SLC29A4: variants seen among roughly 807,000 people sequenced by gnomAD.
The protein encoded by SLC29A4 is equilibrative nucleoside transporter 4.
Under a neutral mutation model 43.9 loss-of-function variants are expected in SLC29A4, and 36 were observed. The observed-to-expected ratio is 0.82, with a 90% CI of 0.63 to 1.08. SLC29A4 has a LOEUF of 1.08. SLC29A4 is among the 50% of genes least tolerant of loss of function. The probability of loss-of-function intolerance (pLI) is 0.00; values close to 1 mark genes in which losing one functional copy is unlikely to be tolerated. For synonymous variants in SLC29A4, 491 were observed against 338.0 expected (o/e 1.45, Z -4.97); for missense variants, 869 against 755.3 (o/e 1.15, Z -1.77).
At chr7:5,284,669 A>G (rs1784850134) in intron 1 of SLC29A4, among the ~76,000 whole-genome samples, 1 of 152,044 alleles carries the variant, frequency 6.6e-6, no homozygotes, top group African/African-American at 2.4e-5. Flanking sequence ...CGGGAAGGAC[A>G]GAGTTGGAGG....
chr7:5,296,812 C>T lies in SLC29A4; in HGVS notation c.620-124C>T, dbSNP rs1785706855. 8 of 1,029,168 alleles carry T rather than the reference C, an allele frequency of 7.8e-6. No individual in the cohort carries two copies. The East Asian group carries it at 1.6e-4, about 21-fold the overall frequency. The allele number at this position is 1,029,168 out of a possible 1,614,324, so 63.8% of individuals were successfully genotyped here. ...GGAGGGCGGGGCCTGTGGGTGGGGGCAGGGCCTGTGGTGGAGGGCGGGGCC... is the reference window on the plus strand; with the variant it reads ...GGAGGGCGGGGCCTGTGGGTGGGGGTAGGGCCTGTGGTGGAGGGCGGGGCC... On this transcript the variant is annotated intron_variant, in intron 6 of 10. Transcript: ENST00000396872.
intron 2 of SLC29A4, among the ~76,000 whole-genome samples, chr7:5,289,558 C>T (rs1203414353): frequency 2.0e-5 from 3 of 152,094 alleles, no homozygotes; most frequent in Non-Finnish European, 4.4e-5. Flanking sequence ...CAGACCCACC[C>T]AGGGTAATTT....
intron 9 of SLC29A4, 125 bp from the exon 10 acceptor site, chr7:5,300,297 G>T (rs1296681152): frequency 5.6e-6 from 8 of 1,421,388 alleles, no homozygotes; most frequent in Non-Finnish European, 7.7e-6. Flanking sequence ...AAGGGCAGGG[G>T]TGCAGGCTGA....
In SLC29A4 at chr7:5,291,227, G is replaced by C; in HGVS notation, c.405G>C (p.Arg135Ser). 1 of 1,612,478 alleles carries C rather than the reference G, an allele frequency of 6.2e-7. No individual in the cohort carries two copies. The highest frequency in any genetic ancestry group is 8.5e-7 in the Non-Finnish European group (1 of 1,179,958). Residue 135 changes from arginine (R) to serine (S), a missense_variant, in exon 4 of 11, where the codon AGG becomes AGC. Coordinates refer to ENST00000396872, the MANE Select transcript of SLC29A4 (RefSeq NM_153247.4). Reference protein sequence around the residue: ...VLVERLTLHTRITAGYLLALG... With the variant: ...VLVERLTLHTSITAGYLLALG... Reference sequence around the variant, plus strand: ...TGGAGAGACTGACCCTGCACACCAGGATCACCGCAGGTGCGCTGGGCCCCG... The same window carrying C: ...TGGAGAGACTGACCCTGCACACCAGCATCACCGCAGGTGCGCTGGGCCCCG...
In SLC29A4 at chr7:5,306,202, T is replaced by G. The variant is rs1786483226; in HGVS notation, c.*3263T>G. 1.4e-5 allele frequency: 2 copies of G among 141,626 alleles called. No individual in the cohort carries two copies. The highest frequency in any genetic ancestry group is 2.3e-4 in the South Asian group (1 of 4,298). The allele number at this position is 141,626 out of a possible 1,614,324, so 8.8% of individuals were successfully genotyped here. On this transcript the variant is annotated 3_prime_UTR_variant, in exon 11 of 11. Transcript: ENST00000396872. ...AATTTGTTCAATTTCTTTTTTTTTT[T>G]TTTTTTTTTTTTTTGAGACAATCTC... is the stretch of plus-strand genomic sequence containing the variant.
chr7:5,297,585 C>G (rs372334342), intron 7 of SLC29A4, among the ~76,000 whole-genome samples: 1 of 152,224 alleles, frequency 6.6e-6, no homozygotes, highest in Non-Finnish European at 1.5e-5. Flanking sequence ...TGCGCCAACC[C>G]ACGTTGGAGA....
chr7:5,300,312 G>C (rs540970392), intron 9 of SLC29A4, 110 bp from the exon 10 acceptor site: 8 of 1,524,374 alleles, frequency 5.2e-6, no homozygotes, highest in Non-Finnish European at 7.1e-6. Flanking sequence ...GGCTGAGCTG[G>C]ACAGGCCCAG....
At chr7:5,292,052 C>A (rs573096283) in intron 5 of SLC29A4, among the ~76,000 whole-genome samples, 12 of 152,320 alleles carry the variant, frequency 7.9e-5, no homozygotes, top group African/African-American at 2.9e-4. Flanking sequence ...CTGAGGCAGC[C>A]CCTGGTTTCC....
chr7:5,288,338 C>T (rs1011062760), intron 2 of SLC29A4, among the ~76,000 whole-genome samples: 4 of 127,938 alleles, frequency 3.1e-5, no homozygotes, highest in Non-Finnish European at 6.3e-5. Context: ...CGGAGTCTCA[C>T]TCTGTCACCC....
chr7:5,301,120 TG>T (rs1786130513), intron 10 of SLC29A4, among the ~76,000 whole-genome samples: 1 of 151,892 alleles, frequency 6.6e-6, no homozygotes, highest in East Asian at 1.9e-4. Flanking sequence ...AAAAATTAGC[TG>T]GGTATGGTAG....
In SLC29A4 at chr7:5,291,611, C is replaced by T. The variant is rs538626675; in HGVS notation, c.416-82C>T. On this transcript the variant is annotated intron_variant, in intron 4 of 10. Coordinates refer to ENST00000396872, the MANE Select transcript of SLC29A4 (RefSeq NM_153247.4). ...GGGAAGGGCAGAGAAAGCCTCAGAG[C>T]GACTCTGCAGGAGGGGCGAGGAGGA... is the stretch of plus-strand genomic sequence containing the variant. 588 of 1,494,228 alleles carry T rather than the reference C, an allele frequency of 3.9e-4. No individual in the cohort carries two copies. The African/African-American group carries it at 6.9e-3, about 18-fold the overall frequency. 92.6% of individuals were successfully genotyped at this position (1,494,228 alleles called of 1,614,324 possible).
chr7:5,300,684 G>T lies in SLC29A4; in HGVS notation c.1450+22G>T, dbSNP rs1324677044. 2.6e-5 allele frequency: 42 copies of T among 1,600,458 alleles called. No individual in the cohort carries two copies. The Admixed American group carries it at 6.5e-4, about 25-fold the overall frequency. The stretch of plus-strand genomic sequence containing the variant: ...GCAGGTGAGGCCCGCGGGACGTGGG[G>T]GTGGGGGCGTCCTCCCAGCAGCGCA... On this transcript the variant is annotated intron_variant, in intron 10 of 10. Coordinates refer to ENST00000396872, the MANE Select transcript of SLC29A4 (RefSeq NM_153247.4).
At chr7:5,292,149 C>T (rs562701072) in intron 5 of SLC29A4, among the ~76,000 whole-genome samples, 2 of 152,202 alleles carry the variant, frequency 1.3e-5, no homozygotes, top group African/African-American at 4.8e-5. Context: ...CTGACTTTGT[C>T]ACCCAGGCTA....
At position 5,289,145 on chromosome 7, in the gene SLC29A4, C is replaced by A. The variant is rs558979783; in HGVS notation, c.169+1160C>A. On this transcript the variant is annotated intron_variant, in intron 2 of 10. Coordinates refer to ENST00000396872, the MANE Select transcript of SLC29A4 (RefSeq NM_153247.4). ...GGCACGGTGGCTCATGCCTATAATC[C>A]CAGCACTTTGGGAGGCTGAGGCCGG... Among the ~76,000 whole-genome samples, 34 of 152,224 alleles carry A rather than the reference C, an allele frequency of 2.2e-4. No homozygotes were observed. The South Asian group carries it at 6.8e-3, about 31-fold the overall frequency.
chr7:5,298,730 G>A (rs571494463), intron 7 of SLC29A4, among the ~76,000 whole-genome samples: 51 of 152,288 alleles, frequency 3.3e-4, no homozygotes, highest in African/African-American at 1.2e-3. Flanking sequence ...AGCCCAGGAA[G>A]TTGAGGCTGC....
Position 5,297,066 on chromosome 7 carries a change from G to A in SLC29A4, c.750G>A (p.Leu250=), listed in dbSNP as rs771451814. 16 of 1,608,142 alleles carry A rather than the reference G, an allele frequency of 9.9e-6. No individual in the cohort carries two copies. Among genetic ancestry groups the A allele is most frequent in the Admixed American group, 1.7e-5 (1 of 60,002 alleles). ...ALELLCFLLH[L]LVRRSRFVLF... ...AGCTGCTGTGTTTCCTGCTGCACCT[G>A]TTAGTGCGGCGCAGCCGCTTCGTGC... Residue 250 remains leucine (L), a synonymous_variant, in exon 7 of 11, where the codon CTG becomes CTA. Coordinates refer to ENST00000396872, the MANE Select transcript of SLC29A4 (RefSeq NM_153247.4).
rs1318124542 is a variant in SLC29A4 at position 5,304,354 on chromosome 7, T to G, written c.*1415T>G. 6.9e-6 allele frequency: 1 copy of G among 145,152 alleles called. No individual in the cohort carries two copies. The highest frequency in any genetic ancestry group is 1.5e-5 in the Non-Finnish European group (1 of 65,978). The allele number at this position is 145,152 out of a possible 1,614,324, so 9.0% of individuals were successfully genotyped here. On this transcript the variant is annotated 3_prime_UTR_variant, in exon 11 of 11. Coordinates refer to ENST00000396872, the MANE Select transcript of SLC29A4 (RefSeq NM_153247.4). ...GGAGGATGGCCACATGCAGCCCATTTGAAGGGGAAACAAAGTGGGCGGGGC... is the reference window on the plus strand; with the variant it reads ...GGAGGATGGCCACATGCAGCCCATTGGAAGGGGAAACAAAGTGGGCGGGGC...
At position 5,303,897 on chromosome 7, in the gene SLC29A4, G is replaced by C. The variant is rs1201646514; in HGVS notation, c.*958G>C. The C allele has an allele frequency of 6.6e-6, 1 of 152,294 alleles. No individual in the cohort carries two copies. The highest frequency in any genetic ancestry group is 6.5e-5 in the Admixed American group (1 of 15,286). 9.4% of individuals were successfully genotyped at this position (152,294 alleles called of 1,614,324 possible). On this transcript the variant is annotated 3_prime_UTR_variant, in exon 11 of 11. Coordinates refer to ENST00000396872, the MANE Select transcript of SLC29A4 (RefSeq NM_153247.4). ...GCACCCTGAGGTCAGGGGATCCTAA[G>C]GGTGTCCTTCCAGAGACGGTGTTTC...
intron 5 of SLC29A4, among the ~76,000 whole-genome samples, chr7:5,293,575 C>G (rs1293539082): frequency 2.6e-5 from 4 of 152,126 alleles, no homozygotes; most frequent in African/African-American, 9.7e-5. Flanking sequence ...TAAATGATGT[C>G]AAGCCTTCGT....
Sources: gnomAD v4.1 joint callset for allele counts (sites outside exome capture counted in the v4.1 genomes callset) on GRCh38, gnomAD v4.1.1 for gene constraint, MANE v1.5 for transcripts, NCBI Gene and HGNC (gene_info 2026-07-23, HGNC 2026-07-21) for gene names.